The following KCNK10 variants were observed in gnomAD, a reference collection of about 807,000 sequenced individuals.
The protein encoded by KCNK10 is potassium two pore domain channel subfamily K member 10.
Under a neutral mutation model 47.7 loss-of-function variants are expected in KCNK10, and 25 were observed. That is an observed-to-expected ratio of 0.52 (90% CI 0.38 to 0.73). KCNK10 has a LOEUF of 0.73. Among genes scored for constraint, KCNK10 ranks in the 30% least tolerant of loss-of-function variants. KCNK10 has a pLI of 0.00. For synonymous variants in KCNK10, 303 were observed against 285.6 expected, an observed-to-expected ratio of 1.06 and a Z score of -0.61; for missense variants, 563 against 714.5, an observed-to-expected ratio of 0.79 and a Z score of 2.42.
chr14:88,216,984 G>A (rs384731), intron 4 of KCNK10, among the ~76,000 whole-genome samples: 1 of 152,128 alleles, frequency 6.6e-6, no homozygotes, highest in Admixed American at 6.5e-5. Flanking sequence ...GTGAAACCTC[G>A]TCTCTACTAA....
intron 4 of KCNK10, among the ~76,000 whole-genome samples, chr14:88,197,572 T>TAAAA (rs71417717): frequency 0.04 from 680 of 17,150 alleles, 241 homozygotes; most frequent in Non-Finnish European, 0.074. Context: ...AGACTCCGAC[T>TAAAA]AAAAAAAAAA....
intron 3 of KCNK10, among the ~76,000 whole-genome samples, chr14:88,234,553 A>G (rs1234896390): frequency 6.6e-6 from 1 of 152,228 alleles, no homozygotes; most frequent in Non-Finnish European, 1.5e-5. Context: ...TGTGCCTCAG[A>G]GGAAAGAACC....
chr14:88,215,130 G>C (rs1595084922), intron 4 of KCNK10, among the ~76,000 whole-genome samples: 2 of 152,228 alleles, frequency 1.3e-5, no homozygotes, highest in African/African-American at 4.8e-5. Context: ...GCTTACTCTA[G>C]GTAAAGCCCA....
At chr14:88,199,067 G>A (rs1290399521) in intron 4 of KCNK10, among the ~76,000 whole-genome samples, 8 of 151,924 alleles carry the variant, frequency 5.3e-5, no homozygotes, top group South Asian at 2.1e-4. Flanking sequence ...TTACAGGAGC[G>A]CACCGCCACG....
intron 1 of KCNK10, among the ~76,000 whole-genome samples, chr14:88,316,607 A>G (rs1888436014): frequency 6.6e-6 from 1 of 152,198 alleles, no homozygotes; most frequent in Admixed American, 6.5e-5. Context: ...ATGCAGAGCT[A>G]AGCCCCTAAC....
chr14:88,197,859 G>GGAGA (rs71126969), intron 4 of KCNK10, among the ~76,000 whole-genome samples: 3,985 of 125,322 alleles, frequency 0.032, 134 homozygotes, highest in African/African-American at 0.074. Context: ...AGGAGGGAAG[G>GGAGA]GAGAGAGAGA....
At position 88,260,842 on chromosome 14, in the gene KCNK10, G is replaced by T. The variant is rs76661309; in HGVS notation, c.402+2360C>A. On this transcript the variant is annotated intron_variant, in intron 2 of 6. Transcript: ENST00000319231. This position sits in a 1 kb window ranked among gnomAD's most constrained non-coding sequence, Gnocchi z 4.5. ...TATGTGCAAACACATTCACACAAAC[G>T]CACACATACACACACATATCTCATT... Among the ~76,000 whole-genome samples the T allele has an allele frequency of 1.3e-5, 2 of 151,946 alleles. No individual in the cohort carries two copies. Among genetic ancestry groups the T allele is most frequent in the African/African-American group, 2.4e-5 (1 of 41,342 alleles).
rs1164435672 is a variant in KCNK10 at position 88,181,876 on chromosome 14, G to GT, written c.*3658dup. ...GCACAACTACAATGGCCCTTGACAA[G>GT]TATCTGTGCTCAACTCCCTCCCTTG... On this transcript the variant is annotated 3_prime_UTR_variant, in exon 7 of 7. Coordinates refer to ENST00000319231, the MANE Select transcript of KCNK10 (RefSeq NM_138317.3). 4 of 152,286 alleles carry GT rather than the reference G, an allele frequency of 2.6e-5. No homozygotes were observed. The highest frequency in any genetic ancestry group is 4.4e-5 in the Non-Finnish European group (3 of 68,036). 9.4% of individuals were successfully genotyped at this position (152,286 alleles called of 1,614,324 possible).
chr14:88,286,071 A>T (rs1887753149), intron 1 of KCNK10, among the ~76,000 whole-genome samples: 1 of 152,180 alleles, frequency 6.6e-6, no homozygotes, highest in Non-Finnish European at 1.5e-5. Context: ...AAACACAGTG[A>T]TCACATACAG....
chr14:88,246,787 G>C (rs1051651510), intron 2 of KCNK10, among the ~76,000 whole-genome samples: 1 of 152,198 alleles, frequency 6.6e-6, no homozygotes, highest in African/African-American at 2.4e-5. Flanking sequence ...AAGCTGTTCA[G>C]CTTCTCTGAA....
At chr14:88,315,439 C>T (rs1361801893) in intron 1 of KCNK10, among the ~76,000 whole-genome samples, 2 of 152,126 alleles carry the variant, frequency 1.3e-5, no homozygotes, top group South Asian at 2.1e-4. Flanking sequence ...TCTCAGAGGA[C>T]GAAGTAAGTG....
chr14:88,299,555 C>T (rs896779305), intron 1 of KCNK10, among the ~76,000 whole-genome samples: 2 of 152,156 alleles, frequency 1.3e-5, no homozygotes, highest in South Asian at 4.1e-4. Flanking sequence ...CTTGGGTATT[C>T]CCAAAAGTGT....
chr14:88,310,200 T>TATATCATATACCATATCATATGGG (rs1566721473), intron 1 of KCNK10, among the ~76,000 whole-genome samples: 1 of 123,802 alleles, frequency 8.1e-6, no homozygotes, highest in Non-Finnish European at 1.9e-5. Flanking sequence ...TATCATATGG[T>TATATCATATACCATATCATATGGG]ATATGATATA....
intron 1 of KCNK10, among the ~76,000 whole-genome samples, chr14:88,297,762 T>C (rs1048460952): frequency 5.3e-5 from 8 of 152,194 alleles, no homozygotes; most frequent in Non-Finnish European, 1.0e-4. Context: ...CAGTCAGGAT[T>C]GGCGCATTTC....
intron 3 of KCNK10, among the ~76,000 whole-genome samples, chr14:88,227,887 C>A (rs1402277865): frequency 6.6e-6 from 1 of 152,174 alleles, no homozygotes; most frequent in Non-Finnish European, 1.5e-5. Flanking sequence ...GAAGGAATCA[C>A]CACTGCACTT....
chr14:88,213,613 T>C (rs1885527687), intron 4 of KCNK10, among the ~76,000 whole-genome samples: 1 of 152,126 alleles, frequency 6.6e-6, no homozygotes, highest in Non-Finnish European at 1.5e-5. Context: ...TATTAATACT[T>C]AATGAAACCC....
intron 2 of KCNK10, among the ~76,000 whole-genome samples, chr14:88,259,905 T>C (rs1402638339): frequency 6.6e-6 from 1 of 152,204 alleles, no homozygotes; most frequent in African/African-American, 2.4e-5. Context: ...GTTCTTGTGA[T>C]AGTGAGTGAG....
chr14:88,294,297 C>T (rs544708470), intron 1 of KCNK10, among the ~76,000 whole-genome samples: 29 of 152,384 alleles, frequency 1.9e-4, no homozygotes, highest in East Asian at 3.9e-4. Context: ...ACTGAGCTTT[C>T]GCTCTCCTGA....
At chr14:88,271,718 C>G (rs1887410052) in intron 1 of KCNK10, among the ~76,000 whole-genome samples, 1 of 152,040 alleles carries the variant, frequency 6.6e-6, no homozygotes, top group African/African-American at 2.4e-5. Flanking sequence ...TCCTGGGGTC[C>G]CTCTGACTGG....
Sources: gnomAD v4.1 joint callset for allele counts (sites outside exome capture counted in the v4.1 genomes callset) on GRCh38, gnomAD v4.1.1 for gene constraint, Gnocchi (gnomAD v3.1) non-coding constraint, MANE v1.5 for transcripts, NCBI Gene and HGNC (gene_info 2026-07-23, HGNC 2026-07-21) for gene names.